Variants in DLGAP1 observed in about 807,000 individuals in gnomAD.
DLGAP1 encodes the protein disks large-associated protein 1.
Under a neutral mutation model 90.8 loss-of-function variants are expected in DLGAP1, and 11 were observed. That is an observed-to-expected ratio of 0.12 (90% confidence interval 0.08 to 0.20). The LOEUF (loss-of-function observed/expected upper bound fraction) is 0.20, where lower values mean the gene tolerates loss of function less well. DLGAP1 is among the 10% of genes least tolerant of loss of function. The pLI is 1.00. For synonymous variants in DLGAP1, 558 were observed against 540.7 expected (o/e 1.03, Z -0.44); for missense variants, 1,050 against 1,333.8 (o/e 0.79, Z 3.31).
rs2049750130 is a variant in DLGAP1, at chr18:3,497,996, G to A, written c.*1189C>T. On this transcript the variant is annotated 3_prime_UTR_variant, in exon 13 of 13. Coordinates refer to ENST00000315677, the MANE Select transcript of DLGAP1 (RefSeq NM_004746.4). ...TATTTTAGCCATTTGACACAGGACA[G>A]AATCCTATGCTAGGTATTACTGGAC... 6.6e-6 allele frequency: 1 copy of A among 152,224 alleles called. No homozygotes were observed. Among genetic ancestry groups the A allele is most frequent in the African/African-American group, 2.4e-5 (1 of 41,446 alleles). The allele number at this position is 152,224 out of a possible 1,614,324, so 9.4% of individuals were successfully genotyped here.
chr18:3,891,726 C>G (rs1211618148), intron 3 of DLGAP1, among the ~76,000 whole-genome samples: 2 of 152,126 alleles, frequency 1.3e-5, no homozygotes, highest in Middle Eastern at 3.4e-3. Context: ...AGAAAACAGA[C>G]TTTTAAAGAG....
chr18:4,406,379 G>T (rs1326270541), intron 1 of DLGAP1, among the ~76,000 whole-genome samples: 2 of 152,212 alleles, frequency 1.3e-5, no homozygotes, highest in Non-Finnish European at 1.5e-5. Flanking sequence ...GCATGAATCA[G>T]CCTTAGGTTC....
intron 1 of DLGAP1, among the ~76,000 whole-genome samples, chr18:4,424,989 T>G (rs1465854776): frequency 2.0e-5 from 3 of 146,628 alleles, no homozygotes; most frequent in Non-Finnish European, 4.4e-5. Flanking sequence ...CAACACATAT[T>G]TACTGCCTAG....
At chr18:3,652,724 AT>A (rs903125635) in intron 7 of DLGAP1, among the ~76,000 whole-genome samples, 6 of 152,096 alleles carry the variant, frequency 3.9e-5, no homozygotes, top group Non-Finnish European at 5.9e-5. Flanking sequence ...GACAACCTTC[AT>A]TTTTTTCATA....
chr18:3,621,283 G>C (rs1266272922), intron 7 of DLGAP1, among the ~76,000 whole-genome samples: 1 of 124,376 alleles, frequency 8.0e-6, no homozygotes, highest in African/African-American at 4.2e-5. Context: ...ATCCATCTTA[G>C]GTTCTGCTAA....
At chr18:4,207,073 C>T (rs2077734974) in intron 1 of DLGAP1, among the ~76,000 whole-genome samples, 1 of 152,098 alleles carries the variant, frequency 6.6e-6, no homozygotes, top group Non-Finnish European at 1.5e-5. Context: ...GAGGAAAGAC[C>T]ACTCTTCCAT....
chr18:4,005,042 C>T (rs966786798), intron 3 of DLGAP1, 74 bp downstream of exon 3: 7 of 151,984 alleles, frequency 4.6e-5, no homozygotes, highest in East Asian at 1.9e-4. Context: ...TGCCTAATAA[C>T]GTTAGCCTTT....
chr18:3,799,247 T>A (rs1424168536), intron 5 of DLGAP1, among the ~76,000 whole-genome samples: 3 of 152,148 alleles, frequency 2.0e-5, no homozygotes, highest in Non-Finnish European at 4.4e-5. Flanking sequence ...ATTTGTAAAG[T>A]CCAGATTTGT....
chr18:4,284,307 T>C (rs1034889485), intron 1 of DLGAP1, among the ~76,000 whole-genome samples: 1 of 150,230 alleles, frequency 6.7e-6, no homozygotes, highest in East Asian at 2.0e-4. Flanking sequence ...GCCCAGAAAG[T>C]ACAAGCCGAA....
At chr18:4,212,445 C>A (rs1367804511) in intron 1 of DLGAP1, among the ~76,000 whole-genome samples, 2 of 151,312 alleles carry the variant, frequency 1.3e-5, no homozygotes, top group East Asian at 3.9e-4. Context: ...GTGGGTGGAT[C>A]ACTTGAGGTC....
intron 1 of DLGAP1, among the ~76,000 whole-genome samples, chr18:4,320,753 CA>C (rs2080664845): frequency 1.0e-5 from 1 of 96,416 alleles, no homozygotes; most frequent in Admixed American, 1.1e-4. Flanking sequence ...CACACACACA[CA>C]CACACACACA....
At chr18:3,980,998 A>C (rs767755843) in intron 3 of DLGAP1, among the ~76,000 whole-genome samples, 8 of 152,218 alleles carry the variant, frequency 5.3e-5, no homozygotes, top group Non-Finnish European at 1.2e-4. Context: ...CCCTAAGGTC[A>C]CTTTTTAAAG....
At position 4,080,890 on chromosome 18, in the gene DLGAP1, CTTT is replaced by C. The variant is rs71160939; in HGVS notation, c.-159+70287_-159+70289del. 8.4e-4 allele frequency among the ~76,000 whole-genome samples: 122 copies of C among 145,548 alleles called. 2 individuals carry two copies. Among genetic ancestry groups the C allele is most frequent in the African/African-American group, 1.4e-3 (55 of 39,578 alleles). On this transcript the variant is annotated intron_variant, in intron 2 of 12. Transcript: ENST00000315677. The stretch of plus-strand genomic sequence containing the variant: ...ATGCATGTTAATAGATTTGAATGCC[CTTT>C]TTTTTTTTTTTTGAGATGAAGTTTT...
At chr18:4,145,383 C>T (rs2076568035) in intron 2 of DLGAP1, among the ~76,000 whole-genome samples, 1 of 152,154 alleles carries the variant, frequency 6.6e-6, no homozygotes, top group Non-Finnish European at 1.5e-5. Flanking sequence ...TATCTCAGAA[C>T]ACATTAACTT....
intron 4 of DLGAP1, among the ~76,000 whole-genome samples, chr18:3,852,907 G>T (rs187204028): frequency 5.4e-4 from 82 of 151,798 alleles, no homozygotes; most frequent in African/African-American, 1.9e-3. Flanking sequence ...AGTTTATTAA[G>T]AATTTTTATG....
At chr18:4,085,936 T>C (rs1181886766) in intron 2 of DLGAP1, among the ~76,000 whole-genome samples, 1 of 152,234 alleles carries the variant, frequency 6.6e-6, no homozygotes, top group Non-Finnish European at 1.5e-5. Flanking sequence ...TTGAAAGTGA[T>C]TATTGACTTT....
Position 4,394,853 on chromosome 18 carries a change from G to A in DLGAP1, c.-267+60153C>T, listed in dbSNP as rs564648236. 1.2e-3 allele frequency among the ~76,000 whole-genome samples: 180 copies of A among 152,148 alleles called. 1 individual carries two copies. The highest frequency in any genetic ancestry group is 4.0e-3 in the African/African-American group (164 of 41,492). ...ATTGCTTTACAGAGTTTCAGTTCTC[G>A]TCTATTGAAAATAAGGCATGCTCAG... is the stretch of plus-strand genomic sequence containing the variant. On this transcript the variant is annotated intron_variant, in intron 1 of 12. Transcript: ENST00000315677.
At chr18:4,171,876 A>G (rs1054694997) in intron 1 of DLGAP1, among the ~76,000 whole-genome samples, 12 of 152,302 alleles carry the variant, frequency 7.9e-5, no homozygotes, top group Admixed American at 2.0e-4. Flanking sequence ...CTGAGTGTAT[A>G]TTGGAAAAAA....
At chr18:3,601,155 C>T (rs2057003518) in intron 7 of DLGAP1, among the ~76,000 whole-genome samples, 1 of 151,736 alleles carries the variant, frequency 6.6e-6, no homozygotes, top group Non-Finnish European at 1.5e-5. Flanking sequence ...GATGTGATCT[C>T]AGCTCACTGC....
Sources: allele counts gnomAD v4.1 joint callset (sites outside exome capture counted in the v4.1 genomes callset), GRCh38; gene constraint gnomAD v4.1.1; transcripts MANE v1.5; gene names NCBI Gene and HGNC (gene_info 2026-07-23, HGNC 2026-07-21).